Variants in PRMT8 observed in about 807,000 individuals in gnomAD.
PRMT8 encodes protein arginine methyltransferase 8, also known as protein arginine N-methyltransferase 8.
Under a neutral mutation model 47.1 loss-of-function variants are expected in PRMT8, and 7 were observed. The observed-to-expected ratio is 0.15, with a 90% CI of 0.08 to 0.28. The LOEUF (loss-of-function observed/expected upper bound fraction) is 0.28, where lower values mean the gene tolerates loss of function less well. Among genes scored for constraint, PRMT8 ranks in the 10% least tolerant of loss-of-function variants. PRMT8 has a pLI of 1.00. For missense variants in PRMT8, 237 were observed against 505.4 expected, an observed-to-expected ratio of 0.47 and a Z score of 5.09; for synonymous variants, 188 against 186.5, an observed-to-expected ratio of 1.01 and a Z score of -0.07.
At chr12:3,547,475 CAA>C (rs1376343238) in intron 2 of PRMT8, among the ~76,000 whole-genome samples, 3 of 151,958 alleles carry the variant, frequency 2.0e-5, no homozygotes. Flanking sequence ...TACAGTATCA[CAA>C]AATAAAATAG....
At chr12:3,461,885 C>A (rs531984390) in intron 1 of PRMT8, among the ~76,000 whole-genome samples, 1 of 152,126 alleles carries the variant, frequency 6.6e-6, no homozygotes, top group East Asian at 1.9e-4. Context: ...TTTTAAAAAA[C>A]CAAAACAAAA....
intron 1 of PRMT8, among the ~76,000 whole-genome samples, chr12:3,424,056 TA>T (rs1309063075): frequency 1.3e-5 from 2 of 152,218 alleles, no homozygotes; most frequent in African/African-American, 2.4e-5. Flanking sequence ...GAGACTGGGC[TA>T]CATGCTTGGC....
In PRMT8 at chr12:3,514,874, A is replaced by T. The variant is rs111392422; in HGVS notation, c.75+23174A>T. 4.2e-4 allele frequency among the ~76,000 whole-genome samples: 64 copies of T among 152,192 alleles called. No individual in the cohort carries two copies. Among genetic ancestry groups the T allele is most frequent in the African/African-American group, 1.5e-3 (62 of 41,512 alleles). ...TAACTTCTCCCCTCTTGCCTCCTACATCTAGGGGTCATCCTGGAGCTCCTC... is the reference window on the plus strand; with the variant it reads ...TAACTTCTCCCCTCTTGCCTCCTACTTCTAGGGGTCATCCTGGAGCTCCTC... On this transcript the variant is annotated intron_variant, in intron 1 of 9. Transcript: ENST00000382622. This position sits in a 1 kb window ranked among gnomAD's most constrained non-coding sequence, Gnocchi z 5.9.
intron 1 of PRMT8, among the ~76,000 whole-genome samples, chr12:3,413,522 T>C (rs1035284427): frequency 3.3e-5 from 5 of 152,186 alleles, no homozygotes; most frequent in African/African-American, 1.2e-4. Flanking sequence ...CCTCATCTTG[T>C]CCCACTGGAA....
At chr12:3,447,140 C>T (rs1864866668) in intron 1 of PRMT8, among the ~76,000 whole-genome samples, 1 of 152,148 alleles carries the variant, frequency 6.6e-6, no homozygotes, top group African/African-American at 2.4e-5. Context: ...GACCGAAAAG[C>T]ACCTGGAAGG....
chr12:3,554,837 T>C (rs1254554540), intron 4 of PRMT8, among the ~76,000 whole-genome samples: 1 of 152,162 alleles, frequency 6.6e-6, no homozygotes, highest in Admixed American at 6.5e-5. Flanking sequence ...GCTCTATGGA[T>C]GCAGCCCTTG....
intron 1 of PRMT8, among the ~76,000 whole-genome samples, chr12:3,424,457 G>A (rs117597440): frequency 1.3e-5 from 2 of 152,208 alleles, no homozygotes; most frequent in East Asian, 3.9e-4. Flanking sequence ...CGGTCATATA[G>A]CCTTTTTTCC....
intron 1 of PRMT8, among the ~76,000 whole-genome samples, chr12:3,402,640 C>T (rs1864329411): frequency 6.6e-6 from 1 of 152,146 alleles, no homozygotes; most frequent in South Asian, 2.1e-4. Flanking sequence ...AAACAAACAA[C>T]CCCATTAAAA....
At chr12:3,414,698 G>A (rs745338644) in intron 1 of PRMT8, among the ~76,000 whole-genome samples, 3 of 152,130 alleles carry the variant, frequency 2.0e-5, no homozygotes, top group South Asian at 2.1e-4. Context: ...GATATTGGGC[G>A]ATAGAAGAGG....
chr12:3,457,866 TA>T (rs35319458), intron 1 of PRMT8, among the ~76,000 whole-genome samples: 57,816 of 81,006 alleles, frequency 0.71, 22,660 homozygotes, highest in Non-Finnish European at 0.84. Context: ...TTTTTTTTTT[TA>T]AGACAGCGTT....
chr12:3,413,192 A>G (rs1012188079), intron 1 of PRMT8, among the ~76,000 whole-genome samples: 1 of 152,182 alleles, frequency 6.6e-6, no homozygotes, highest in Non-Finnish European at 1.5e-5. Context: ...GGGTTTTACC[A>G]TATTGGTCAG....
rs562503461 is a variant in PRMT8 at position 3,441,334 on chromosome 12, A to C, written c.48+59892A>C. On this transcript the variant is annotated intron_variant, in intron 1 of 9. Coordinates refer to the PRMT8 transcript ENST00000452611. ...CATACAGAAAAACCAAGGTCTTTTC[A>C]TTCTTTCTGAGAGAGTGGGGAAGAC... Among the ~76,000 whole-genome samples the C allele has an allele frequency of 5.3e-5, 8 of 152,356 alleles. 2 individuals are homozygous for C. The South Asian group carries it at 1.7e-3, about 32-fold the overall frequency.
intron 1 of PRMT8, among the ~76,000 whole-genome samples, chr12:3,477,468 C>CA (rs369835277): frequency 9.3e-4 from 142 of 152,274 alleles, no homozygotes; most frequent in African/African-American, 3.1e-3. Context: ...TTGGCTTGGA[C>CA]GTGAGGTGTC....
chr12:3,464,730 C>G (rs1865074560), intron 1 of PRMT8, among the ~76,000 whole-genome samples: 1 of 152,206 alleles, frequency 6.6e-6, no homozygotes, highest in African/African-American at 2.4e-5. Context: ...CAGATCTCAT[C>G]TGCCCTGGCC....
chr12:3,505,998 G>A (rs11062687), intron 1 of PRMT8, among the ~76,000 whole-genome samples: 3,284 of 152,236 alleles, frequency 0.022, 43 homozygotes, highest in East Asian at 0.074. Flanking sequence ...TCTTCTGGAG[G>A]GCAGGAAGGA....
At chr12:3,431,273 C>G (rs1864672636) in intron 1 of PRMT8, among the ~76,000 whole-genome samples, 1 of 151,744 alleles carries the variant, frequency 6.6e-6, no homozygotes, top group African/African-American at 2.4e-5. Context: ...GGGTGGGGGC[C>G]TGATCCAAAG....
intron 1 of PRMT8, among the ~76,000 whole-genome samples, chr12:3,410,244 T>C (rs918596694): frequency 6.6e-6 from 1 of 152,202 alleles, no homozygotes; most frequent in Admixed American, 6.5e-5. Flanking sequence ...AGTTTTCAAT[T>C]TTTATCACTT....
rs1262279479 is a variant in PRMT8 at position 3,564,671 on chromosome 12, C to T, written c.482-4035C>T. Among the ~76,000 whole-genome samples, 2 of 152,202 alleles carry T rather than the reference C, an allele frequency of 1.3e-5. No individual in the cohort carries two copies. Among genetic ancestry groups the T allele is most frequent in the East Asian group, 1.9e-4 (1 of 5,198 alleles). ...TCCTTCTGGAATAAAAACATGGATC[C>T]GGACGGTGACCTCAGTGCAACCTTG... On this transcript the variant is annotated intron_variant, in intron 4 of 9. Coordinates refer to ENST00000382622, the MANE Select transcript of PRMT8 (RefSeq NM_019854.5). This position sits in a 1 kb window ranked among gnomAD's most constrained non-coding sequence, Gnocchi z 4.0.
At chr12:3,585,983 G>A (rs745979383) in intron 8 of PRMT8, among the ~76,000 whole-genome samples, 18 of 152,230 alleles carry the variant, frequency 1.2e-4, no homozygotes, top group Non-Finnish European at 2.2e-4. Context: ...CCATCACCAG[G>A]ATGATGTCTA....
Sources: gnomAD v4.1 joint callset for allele counts (sites outside exome capture counted in the v4.1 genomes callset) on GRCh38, gnomAD v4.1.1 for gene constraint, Gnocchi (gnomAD v3.1) non-coding constraint, MANE v1.5 for transcripts, NCBI Gene and HGNC (gene_info 2026-07-23, HGNC 2026-07-21) for gene names.